Variants in CLDN10 observed in about 807,000 individuals in gnomAD.
CLDN10 encodes the protein claudin-10.
CLDN10 carries 15 observed loss-of-function variants against 22.9 expected under a neutral mutation model. The observed-to-expected ratio is 0.65, with a 90% CI of 0.44 to 1.01. CLDN10 has a LOEUF of 1.01. Ranked by LOEUF, CLDN10 falls within the 50% of genes least tolerant of loss-of-function variation. The pLI is 0.00. For missense variants in CLDN10, 247 were observed against 287.8 expected, an observed-to-expected ratio of 0.86 and a Z score of 1.03; for synonymous variants, 114 against 111.4, an observed-to-expected ratio of 1.02 and a Z score of -0.15.
At chr13:95,496,664 G>A (rs369245817) in intron 1 of CLDN10, among the ~76,000 whole-genome samples, 34 of 152,294 alleles carry the variant, frequency 2.2e-4, no homozygotes, top group African/African-American at 7.7e-4. Flanking sequence ...ATGTTCTGGA[G>A]AGTGACCCAG....
At chr13:95,540,230 A>G (rs1222936390) in intron 1 of CLDN10, among the ~76,000 whole-genome samples, 11 of 151,908 alleles carry the variant, frequency 7.2e-5, no homozygotes, top group Non-Finnish European at 4.4e-5. Flanking sequence ...GACCCGGGAG[A>G]TGGAGGTTAC....
intron 3 of CLDN10, among the ~76,000 whole-genome samples, chr13:95,567,394 G>A (rs1334931347): frequency 6.6e-6 from 1 of 152,170 alleles, no homozygotes; most frequent in Non-Finnish European, 1.5e-5. Context: ...TTGTGAATGG[G>A]AGTTCACTCA....
At chr13:95,454,702 G>A (rs1034241282) in intron 1 of CLDN10, among the ~76,000 whole-genome samples, 7 of 152,130 alleles carry the variant, frequency 4.6e-5, no homozygotes, top group African/African-American at 9.7e-5. Flanking sequence ...CAGGGTCCTG[G>A]GCCCTTTCAG....
intron 1 of CLDN10, among the ~76,000 whole-genome samples, chr13:95,510,055 C>T (rs1173252663): frequency 6.6e-6 from 1 of 152,056 alleles, no homozygotes; most frequent in Non-Finnish European, 1.5e-5. Context: ...CATTCACTTC[C>T]CCAAATTGCA....
intron 1 of CLDN10, among the ~76,000 whole-genome samples, chr13:95,442,772 C>A (rs933884946): frequency 6.6e-6 from 1 of 152,190 alleles, no homozygotes; most frequent in African/African-American, 2.4e-5. Context: ...ATAGAGCTAA[C>A]GATGCAAACT....
At chr13:95,462,334 T>A (rs536504434) in intron 1 of CLDN10, among the ~76,000 whole-genome samples, 1 of 152,342 alleles carries the variant, frequency 6.6e-6, no homozygotes, top group African/African-American at 2.4e-5. Context: ...CAGATTATAA[T>A]CTTTATAGCC....
At chr13:95,551,474 C>T (rs1042716413), upstream of CLDN10, among the ~76,000 whole-genome samples, 3 of 152,080 alleles carry the variant, frequency 2.0e-5, no homozygotes, top group African/African-American at 7.2e-5. Context: ...CCAGCTTCCT[C>T]TCTTCTCCAG....
chr13:95,465,330 T>A (rs909680308), intron 1 of CLDN10, among the ~76,000 whole-genome samples: 30 of 152,144 alleles, frequency 2.0e-4, no homozygotes, highest in Non-Finnish European at 3.1e-4. Context: ...AACTTGAGAT[T>A]TGGGTGGGGA....
intron 1 of CLDN10, among the ~76,000 whole-genome samples, chr13:95,510,404 T>C (rs1212331712): frequency 6.6e-6 from 1 of 152,228 alleles, no homozygotes; most frequent in African/African-American, 2.4e-5. Context: ...ATTCCTTCCT[T>C]TGCCATTTCC....
chr13:95,507,929 C>CT (rs1217548118), intron 1 of CLDN10, among the ~76,000 whole-genome samples: 1 of 151,878 alleles, frequency 6.6e-6, no homozygotes, highest in Admixed American at 6.6e-5. Context: ...GGCCAAAAAA[C>CT]TTTTTTTAAA....
intron 1 of CLDN10, among the ~76,000 whole-genome samples, chr13:95,495,327 G>A (rs1004547541): frequency 2.0e-5 from 3 of 150,872 alleles, no homozygotes; most frequent in South Asian, 2.1e-4. Flanking sequence ...GTGAGCCACC[G>A]TGCCCTGCCC....
At chr13:95,471,852 C>A (rs1235251248) in intron 1 of CLDN10, among the ~76,000 whole-genome samples, 1 of 151,774 alleles carries the variant, frequency 6.6e-6, no homozygotes, top group Non-Finnish European at 1.5e-5. Context: ...CTCTGGGGCT[C>A]AATCATCATG....
intron 3 of CLDN10, chr13:95,560,776 G>C (rs1328077424): frequency 1.1e-4 from 30 of 272,742 alleles, no homozygotes; most frequent in Non-Finnish European, 1.9e-4. Flanking sequence ...GTGTCAGACG[G>C]AGAGGAAAGA....
chr13:95,524,913 G>T (rs1463104050), intron 1 of CLDN10, among the ~76,000 whole-genome samples: 3 of 150,956 alleles, frequency 2.0e-5, no homozygotes, highest in Non-Finnish European at 4.4e-5. Flanking sequence ...AGGCTGGAGT[G>T]CAATGGCGAG....
At chr13:95,479,895 C>G (rs893754134) in intron 1 of CLDN10, 8 of 152,276 alleles carry the variant, frequency 5.3e-5, no homozygotes, top group African/African-American at 1.7e-4. Context: ...TCACTTGAAT[C>G]CCTGATTGAG....
intron 1 of CLDN10, among the ~76,000 whole-genome samples, chr13:95,501,260 C>CCTTGGATCCT (rs2042981490): frequency 6.6e-6 from 1 of 152,022 alleles, no homozygotes. Context: ...CTGATCCACC[C>CCTTGGATCCT]GACTTGGCCT....
chr13:95,460,327 A>AC (rs1385362769), intron 1 of CLDN10, among the ~76,000 whole-genome samples: 9 of 151,820 alleles, frequency 5.9e-5, no homozygotes, highest in Admixed American at 3.9e-4. Flanking sequence ...GCAGCAACAT[A>AC]CTCTCTGTGG....
rs1297710157 is a variant in CLDN10, at chr13:95,434,521, G to GTA, written c.214+484_214+485dup. Among the ~76,000 whole-genome samples the GTA allele has an allele frequency of 1.5e-3, 170 of 116,790 alleles. 2 individuals are homozygous for GTA. Among genetic ancestry groups the GTA allele is most frequent in the Middle Eastern group, 8.8e-3 (2 of 226 alleles). The allele number at this position is 116,790 out of a possible 152,430, so 76.6% of individuals were successfully genotyped here. A position where few individuals can be genotyped will look rare whatever the true frequency, so the allele number is the denominator to read the frequency against. ...CACAGAGGTATCTATATGTGTGTGT[G>GTA]TATATATATATGCACACGTGTGTAT... On this transcript the variant is annotated intron_variant, in intron 1 of 4. Transcript: ENST00000376873.
intron 1 of CLDN10, among the ~76,000 whole-genome samples, chr13:95,452,488 G>A (rs1009403247): frequency 3.3e-5 from 5 of 152,206 alleles, no homozygotes; most frequent in African/African-American, 1.2e-4. Flanking sequence ...GGATGTGGTT[G>A]TTGGTCTTGC....
Sources: allele counts gnomAD v4.1 joint callset (sites outside exome capture counted in the v4.1 genomes callset), GRCh38; gene constraint gnomAD v4.1.1; transcripts MANE v1.5; gene names NCBI Gene and HGNC (gene_info 2026-07-23, HGNC 2026-07-21).